The following SAFB variants were observed in gnomAD, a reference collection of about 807,000 sequenced individuals.
The protein encoded by SAFB is scaffold attachment factor B, also known as scaffold attachment factor B1.
A neutral mutation model predicts 101.6 loss-of-function variants in SAFB; 15 were observed. That is an observed-to-expected ratio of 0.15 (90% CI 0.10 to 0.23). SAFB has a LOEUF of 0.23. Among genes scored for constraint, SAFB ranks in the 10% least tolerant of loss-of-function variants. SAFB has a pLI of 1.00. For synonymous variants in SAFB, 449 were observed against 407.5 expected (o/e 1.10, Z -1.23); for missense variants, 930 against 1,104.1 (o/e 0.84, Z 2.23).
chr19:5,649,044 A>C lies in SAFB; in HGVS notation c.693A>C (p.Lys231Asn). The change falls in exon 7 of 21, where the codon AAA becomes AAC. Residue 231 changes from lysine (K) to asparagine (N), a missense_variant. Coordinates refer to ENST00000588852, the MANE Select transcript of SAFB (RefSeq NM_001201338.2). The part of the protein sequence containing the change: ...LGETCKSEPV[K>N]EESSELEQPF... ...AAACTTGTAAATCTGAGCCAGTAAA[A>C]GAAGAAAGTTCCGAGCTGGAGCAGC... 1 of 502,606 alleles carries C rather than the reference A, an allele frequency of 2.0e-6. No individual in the cohort carries two copies. Among genetic ancestry groups the C allele is most frequent in the South Asian group, 2.1e-5 (1 of 47,824 alleles). The allele number at this position is 502,606 out of a possible 1,614,324, so 31.1% of individuals were successfully genotyped here.
At chr19:5,639,824 G>C (rs1358386035) in intron 2 of SAFB, among the ~76,000 whole-genome samples, 1 of 152,028 alleles carries the variant, frequency 6.6e-6, no homozygotes, top group Non-Finnish European at 1.5e-5. Flanking sequence ...TGGAGCCGAA[G>C]TGTTTTGTTT....
At chr19:5,623,580 A>G (rs1310682589) in intron 1 of SAFB, among the ~76,000 whole-genome samples, 186 bp downstream of exon 1, 2 of 152,102 alleles carry the variant, frequency 1.3e-5, no homozygotes, top group Non-Finnish European at 2.9e-5. Context: ...GCCTGGGTTC[A>G]AATCCTAACG....
chr19:5,646,714 G>A (rs961009306), intron 5 of SAFB, among the ~76,000 whole-genome samples: 1 of 152,230 alleles, frequency 6.6e-6, no homozygotes, highest in Non-Finnish European at 1.5e-5. Context: ...CCCAGGGGAA[G>A]TTATAATTCA....
intron 15 of SAFB, 81 bp from the exon 16 acceptor site, chr19:5,663,941 G>A (rs2054271890): frequency 6.8e-7 from 1 of 1,471,072 alleles, no homozygotes; most frequent in East Asian, 2.3e-5. Context: ...TCTGTGAAGT[G>A]CTAGGGGCCA....
rs1275335226 is a variant in SAFB, at chr19:5,647,997, T to C, written c.610-19T>C. The C allele has an allele frequency of 1.9e-5, 31 of 1,610,040 alleles. No individual in the cohort carries two copies. Among genetic ancestry groups the C allele is most frequent in the East Asian group, 2.2e-5 (1 of 44,832 alleles). ...GTGTCATTCATCTGGCACAGTCTTA[T>C]TTACGTTTTTTCTTGCAGGAAATTG... On this transcript the variant is annotated intron_variant, in intron 5 of 20. Coordinates refer to ENST00000588852, the MANE Select transcript of SAFB (RefSeq NM_001201338.2).
intron 2 of SAFB, among the ~76,000 whole-genome samples, chr19:5,637,174 C>T (rs1040681858): frequency 8.0e-5 from 12 of 150,610 alleles, no homozygotes; most frequent in African/African-American, 2.2e-4. Flanking sequence ...GAAACCCCGT[C>T]TCTACTAAAA....
rs1210679076 is a variant in SAFB at position 5,667,523 on chromosome 19, C to T, written c.2557+73C>T. The T allele has an allele frequency of 4.6e-6, 5 of 1,090,578 alleles. No individual in the cohort carries two copies. The highest frequency in any genetic ancestry group is 6.6e-6 in the Non-Finnish European group (5 of 754,218). The allele number at this position is 1,090,578 out of a possible 1,614,324, so 67.6% of individuals were successfully genotyped here. A position where few individuals can be genotyped will look rare whatever the true frequency, so the allele number is the denominator to read the frequency against. ...GAAAGATGGAGGCCGCGCCTTCTCT[C>T]CTTGGGGGAGCACAGGAGGTGCTCT... is the stretch of plus-strand genomic sequence containing the variant. On this transcript the variant is annotated intron_variant, in intron 19 of 20. Transcript: ENST00000588852. This position sits in a 1 kb window ranked among gnomAD's most constrained non-coding sequence, Gnocchi z 4.0.
In SAFB at chr19:5,667,419, C is replaced by T; in HGVS notation, c.2526C>T (p.Gly842=). 1.3e-6 allele frequency: 2 copies of T among 1,518,668 alleles called. No homozygotes were observed. Among genetic ancestry groups the T allele is most frequent in the Non-Finnish European group, 1.8e-6 (2 of 1,138,668 alleles). The allele number at this position is 1,518,668 out of a possible 1,614,324, so 94.1% of individuals were successfully genotyped here. The change falls in exon 19 of 21, where the codon GGC becomes GGT. Residue 842 remains glycine (G), a synonymous_variant. Coordinates refer to ENST00000588852, the MANE Select transcript of SAFB (RefSeq NM_001201338.2). This position sits in a 1 kb window ranked among gnomAD's most constrained non-coding sequence, Gnocchi z 4.0. ...DRSWQGTADG[G]MMDRDHKRWQ... ...CATGGCAGGGCACGGCCGACGGGGG[C>T]ATGATGGACAGGGATCACAAGAGGT... is the stretch of plus-strand genomic sequence containing the variant.
intron 13 of SAFB, among the ~76,000 whole-genome samples, chr19:5,655,191 G>C (rs2054028670): frequency 6.6e-6 from 1 of 152,080 alleles, no homozygotes; most frequent in African/African-American, 2.4e-5. Context: ...GAGCATGGTG[G>C]CTCATGCCTG....
chr19:5,642,753 C>A (rs1032107652), intron 4 of SAFB, among the ~76,000 whole-genome samples: 8 of 149,092 alleles, frequency 5.4e-5, no homozygotes, highest in African/African-American at 2.0e-4. Context: ...ACCTCTGCCC[C>A]CTGGGTTCAA....
chr19:5,667,582 T>C lies in SAFB; in HGVS notation c.2557+132T>C. ...TGCTGGAATGAGGAATGAAGAGCACTCCAGACACCGCCTGCTCTCTGGTGG... is the reference window on the plus strand; with the variant it reads ...TGCTGGAATGAGGAATGAAGAGCACCCCAGACACCGCCTGCTCTCTGGTGG... On this transcript the variant is annotated intron_variant, in intron 19 of 20. Coordinates refer to ENST00000588852, the MANE Select transcript of SAFB (RefSeq NM_001201338.2). The surrounding 1 kb of genome is among the most constrained non-coding windows in gnomAD (Gnocchi z 4.0). The C allele has an allele frequency of 1.4e-6, 1 of 731,950 alleles. No individual in the cohort carries two copies. Among genetic ancestry groups the C allele is most frequent in the Non-Finnish European group, 2.3e-6 (1 of 437,676 alleles). The allele number at this position is 731,950 out of a possible 1,614,324, so 45.3% of individuals were successfully genotyped here. A position where few individuals can be genotyped will look rare whatever the true frequency, so the allele number is the denominator to read the frequency against.
chr19:5,641,475 C>T (rs1031517042), intron 2 of SAFB, 119 bp from the exon 3 acceptor site: 4 of 791,642 alleles, frequency 5.1e-6, no homozygotes, highest in South Asian at 1.6e-5. Context: ...GGAAGTGTTC[C>T]TAAGTAGTGA....
chr19:5,630,379 C>T (rs1015275522), intron 2 of SAFB, among the ~76,000 whole-genome samples: 4 of 152,160 alleles, frequency 2.6e-5, no homozygotes, highest in African/African-American at 9.7e-5. Context: ...ATCTGTCATT[C>T]AATTTAATCT....
Position 5,645,413 on chromosome 19 carries a change from T to C in SAFB, c.609+14T>C. ...ACTATATTACAGGTAAACTGTTGTA[T>C]GTCTCAGTACTTTTAGAATGAAAGG... On this transcript the variant is annotated intron_variant, in intron 5 of 20. Transcript: ENST00000588852. 8.1e-7 allele frequency: 1 copy of C among 1,238,272 alleles called. No homozygotes were observed. The highest frequency in any genetic ancestry group is 1.2e-6 in the Non-Finnish European group (1 of 840,422). 76.7% of individuals were successfully genotyped at this position (1,238,272 alleles called of 1,614,324 possible). A position where few individuals can be genotyped will look rare whatever the true frequency, so the allele number is the denominator to read the frequency against.
In SAFB at chr19:5,664,164, G is replaced by C. The variant is rs1018957977; in HGVS notation, c.2291+5G>C. On this transcript the variant is annotated splice_donor_5th_base_variant and intron_variant, in intron 16 of 20. Transcript: ENST00000588852. ...CCCCGACCACTCGGTGGACAGGTCA[G>C]TTGGGCCCCTGCTGGGCGTGCGGGT... The C allele has an allele frequency of 1.2e-6, 2 of 1,613,304 alleles. No individual in the cohort carries two copies. Among genetic ancestry groups the C allele is most frequent in the African/African-American group, 1.3e-5 (1 of 75,040 alleles).
chr19:5,637,472 A>G (rs1031330506), intron 2 of SAFB, among the ~76,000 whole-genome samples: 2 of 151,800 alleles, frequency 1.3e-5, no homozygotes, highest in Non-Finnish European at 2.9e-5. Context: ...CCTGGGCAAC[A>G]TAGTGAGACC....
chr19:5,659,531 G>A (rs1007208371), intron 14 of SAFB, among the ~76,000 whole-genome samples: 2 of 151,758 alleles, frequency 1.3e-5, no homozygotes, highest in Non-Finnish European at 2.9e-5. Flanking sequence ...ACAGGCGCCT[G>A]CCATCATGCC....
At position 5,623,313 on chromosome 19, in the gene SAFB, G is replaced by C. The variant is rs769292435; in HGVS notation, c.108G>C (p.Val36=). The C allele has an allele frequency of 3.7e-5, 60 of 1,613,970 alleles. No homozygotes were observed. In the East Asian group the frequency reaches 1.3e-3, roughly 35 times the overall value. The change falls in exon 1 of 21, where the codon GTG becomes GTC. Residue 36 remains valine (V), a synonymous_variant. Transcript: ENST00000588852. ...TGTRRLSDLR[V]IDLRAELRKR... is the part of the protein sequence containing the mutation. ...CGCGGCGCCTCAGCGACCTGCGAGT[G>C]ATCGATCTGCGGGCGGAGCTGAGGA...
At chr19:5,648,923 A>G (rs1237830613) in intron 6 of SAFB, 66 bp from the exon 7 acceptor site, 1 of 384,326 alleles carries the variant, frequency 2.6e-6, no homozygotes, top group Non-Finnish European at 5.3e-6. Flanking sequence ...CCAGTTCCAC[A>G]TTTGTGATTG....
Sources: gnomAD v4.1 joint callset for allele counts (sites outside exome capture counted in the v4.1 genomes callset) on GRCh38, gnomAD v4.1.1 for gene constraint, Gnocchi (gnomAD v3.1) non-coding constraint, MANE v1.5 for transcripts, NCBI Gene and HGNC (gene_info 2026-07-23, HGNC 2026-07-21) for gene names.